Variants in SGCZ observed in about 807,000 individuals in gnomAD.
SGCZ encodes the protein zeta-sarcoglycan.
In SGCZ, 40 loss-of-function variants were observed where a neutral mutation model predicts 41.3. The ratio of observed to expected loss-of-function variants is 0.97; its 90% confidence interval spans 0.75 to 1.26. The LOEUF (loss-of-function observed/expected upper bound fraction) is 1.26. Among genes scored for constraint, SGCZ ranks in the 50% most tolerant of loss-of-function variants. SGCZ has a pLI of 0.00. For synonymous variants in SGCZ, 206 were observed against 137.5 expected (o/e 1.50, Z -3.49); for missense variants, 552 against 369.8 (o/e 1.49, Z -4.04).
intron 1 of SGCZ, among the ~76,000 whole-genome samples, chr8:14,948,395 C>G (rs1800523159): frequency 6.6e-6 from 1 of 151,972 alleles, no homozygotes. Context: ...AAGAAGGAAA[C>G]AGAGAGATTA....
intron 1 of SGCZ, among the ~76,000 whole-genome samples, chr8:15,043,585 C>T (rs1452983251): frequency 2.0e-5 from 3 of 151,874 alleles, no homozygotes; most frequent in Non-Finnish European, 4.4e-5. Context: ...ATTTTTAAAA[C>T]TTGTGAAAAT....
At position 14,120,604 on chromosome 8, in the gene SGCZ, T is replaced by G. The variant is rs76733753; in HGVS notation, c.548-12369A>C. 1.6e-4 allele frequency among the ~76,000 whole-genome samples: 24 copies of G among 151,844 alleles called. No homozygotes were observed. In the East Asian group the frequency reaches 4.6e-3, roughly 29 times the overall value. ...TATGTATATTGTTTTGAGGAAAAAA[T>G]AAAACTAACATGGTTCACATAAAAT... On this transcript the variant is annotated intron_variant, in intron 5 of 7. Transcript: ENST00000382080.
At chr8:14,287,253 CA>C (rs915876326) in intron 3 of SGCZ, among the ~76,000 whole-genome samples, 17 of 150,788 alleles carry the variant, frequency 1.1e-4, no homozygotes, top group Admixed American at 2.0e-4. Flanking sequence ...TACATAATAT[CA>C]AAAAAATTAA....
intron 1 of SGCZ, among the ~76,000 whole-genome samples, chr8:14,631,335 G>A (rs1043793934): frequency 2.0e-5 from 3 of 152,008 alleles, no homozygotes; most frequent in African/African-American, 7.2e-5. Context: ...ATCAAATAGA[G>A]TAATTAGTGA....
At chr8:14,097,671 T>C (rs904894717) in intron 7 of SGCZ, among the ~76,000 whole-genome samples, 2 of 152,172 alleles carry the variant, frequency 1.3e-5, no homozygotes, top group African/African-American at 2.4e-5. Context: ...TTGATCTGAC[T>C]AATATTGACA....
At chr8:14,770,446 G>C (rs1228101516) in intron 1 of SGCZ, among the ~76,000 whole-genome samples, 2 of 151,744 alleles carry the variant, frequency 1.3e-5, no homozygotes, top group Admixed American at 6.6e-5. Context: ...GTGGGGGTAA[G>C]GAGAGGGAGG....
intron 1 of SGCZ, among the ~76,000 whole-genome samples, chr8:14,988,255 C>T: frequency 7.8e-6 from 1 of 127,768 alleles, no homozygotes. Flanking sequence ...TACAAATACT[C>T]CATCTTCTAA....
intron 2 of SGCZ, among the ~76,000 whole-genome samples, chr8:14,341,340 A>C (rs1353984462): frequency 1.3e-5 from 2 of 152,126 alleles, no homozygotes; most frequent in Non-Finnish European, 2.9e-5. Flanking sequence ...ATTTTGCGTA[A>C]TTGTGTACTG....
In SGCZ at chr8:14,503,099, G is replaced by A. The variant is rs562846057; in HGVS notation, c.234+51633C>T. ...AGAAAATGTGGCACATACACACCAT[G>A]TATTACTATGCAGCCATAAAAAAAA... On this transcript the variant is annotated intron_variant, in intron 2 of 7. Transcript: ENST00000382080. 3.7e-4 allele frequency among the ~76,000 whole-genome samples: 56 copies of A among 152,288 alleles called. 1 individual carries two copies. Among genetic ancestry groups the A allele is most frequent in the African/African-American group, 1.3e-3 (54 of 41,570 alleles).
At chr8:14,627,795 G>A (rs1363465624) in intron 1 of SGCZ, among the ~76,000 whole-genome samples, 2 of 151,818 alleles carry the variant, frequency 1.3e-5, no homozygotes, top group Non-Finnish European at 2.9e-5. Flanking sequence ...TGACCTCAAA[G>A]TCCCATTTTA....
intron 1 of SGCZ, among the ~76,000 whole-genome samples, chr8:14,702,825 A>G (rs868564587): frequency 1.2e-4 from 3 of 25,334 alleles, no homozygotes; most frequent in South Asian, 3.1e-3. Context: ...AGATAGATAG[A>G]TAGATAGATA....
rs191531426 is a variant in SGCZ, at chr8:14,255,376, G to A, written c.337-17697C>T. 2.4e-4 allele frequency among the ~76,000 whole-genome samples: 36 copies of A among 152,144 alleles called. No individual in the cohort carries two copies. In the East Asian group the frequency reaches 5.6e-3, roughly 24 times the overall value. On this transcript the variant is annotated intron_variant, in intron 3 of 7. Coordinates refer to ENST00000382080, the MANE Select transcript of SGCZ (RefSeq NM_139167.4). ...GAAGATGTTTTCATGATTAATAACT[G>A]TATCTCTTCCATTATCTCCATTGTA...
chr8:14,675,096 G>A (rs1010920768), intron 1 of SGCZ, among the ~76,000 whole-genome samples: 7 of 151,026 alleles, frequency 4.6e-5, no homozygotes, highest in South Asian at 2.1e-4. Context: ...CCGCCACCAC[G>A]CCTGGCTAAT....
At chr8:15,173,225 C>T (rs1205132539) in intron 1 of SGCZ, among the ~76,000 whole-genome samples, 1 of 152,058 alleles carries the variant, frequency 6.6e-6, no homozygotes, top group East Asian at 1.9e-4. Context: ...TGGAATTTAC[C>T]ATCTTAGCCA....
intron 1 of SGCZ, among the ~76,000 whole-genome samples, chr8:14,809,221 A>T (rs1459744756): frequency 2.6e-5 from 4 of 152,220 alleles, no homozygotes; most frequent in Non-Finnish European, 5.9e-5. Flanking sequence ...CCTAAAACTT[A>T]AAGTATAATA....
intron 1 of SGCZ, among the ~76,000 whole-genome samples, chr8:14,960,715 G>A (rs1042698622): frequency 6.6e-6 from 1 of 151,968 alleles, no homozygotes; most frequent in African/African-American, 2.4e-5. Flanking sequence ...TACCACTTCT[G>A]AGCTGTGAAG....
At chr8:14,288,278 C>T (rs1188680132) in intron 3 of SGCZ, among the ~76,000 whole-genome samples, 5 of 152,174 alleles carry the variant, frequency 3.3e-5, no homozygotes, top group African/African-American at 1.2e-4. Context: ...CATTGAAATA[C>T]ATGTAACATA....
chr8:14,895,538 A>G (rs1022557721), intron 1 of SGCZ, among the ~76,000 whole-genome samples: 2 of 152,198 alleles, frequency 1.3e-5, no homozygotes, highest in African/African-American at 4.8e-5. Context: ...CCCCAAATCC[A>G]TAAGGACTGA....
At chr8:14,946,296 T>C (rs1392782648) in intron 1 of SGCZ, among the ~76,000 whole-genome samples, 7 of 151,326 alleles carry the variant, frequency 4.6e-5, no homozygotes, top group African/African-American at 1.2e-4. Context: ...AAACTGTTCA[T>C]TGGGCTCGTT....
Sources: gnomAD v4.1 joint callset for allele counts (sites outside exome capture counted in the v4.1 genomes callset) on GRCh38, gnomAD v4.1.1 for gene constraint, MANE v1.5 for transcripts, NCBI Gene and HGNC (gene_info 2026-07-23, HGNC 2026-07-21) for gene names.